HESX1: variants seen among roughly 807,000 people sequenced by gnomAD.
HESX1 encodes the protein homeobox expressed in ES cells 1.
Under a neutral mutation model 22.5 loss-of-function variants are expected in HESX1, and 11 were observed. The ratio of observed to expected loss-of-function variants is 0.49; its 90% CI spans 0.31 to 0.81. The LOEUF is 0.81. Among genes scored for constraint, HESX1 ranks in the 30% least tolerant of loss-of-function variants. The probability of loss-of-function intolerance (pLI) is 0.05; values close to 1 mark genes in which losing one functional copy is unlikely to be tolerated. For missense variants in HESX1, 201 were observed against 212.6 expected (o/e 0.95, Z 0.34); for synonymous variants, 74 against 76.5 (o/e 0.97, Z 0.17).
intron 1 of HESX1, among the ~76,000 whole-genome samples, chr3:57,225,621 G>T (rs1404144959): frequency 6.6e-6 from 1 of 152,108 alleles, no homozygotes; most frequent in Non-Finnish European, 1.5e-5. Context: ...GATTACAGGC[G>T]TGAGCCCCAC....
chr3:57,199,025 C>G, intron 1 of HESX1, 73 bp from the exon 2 acceptor site: 1 of 1,352,934 alleles, frequency 7.4e-7, no homozygotes, highest in South Asian at 1.2e-5. Context: ...GAGGTAGTTT[C>G]AGGAACTCAT....
At chr3:57,208,003 A>G (rs1325751381) in intron 1 of HESX1, among the ~76,000 whole-genome samples, 1 of 152,192 alleles carries the variant, frequency 6.6e-6, no homozygotes, top group East Asian at 1.9e-4. Flanking sequence ...TTTACTAGTC[A>G]ATGTGTATTT....
intron 1 of HESX1, among the ~76,000 whole-genome samples, chr3:57,220,829 G>C (rs1288285986): frequency 6.6e-6 from 1 of 152,136 alleles, no homozygotes; most frequent in Admixed American, 6.5e-5. Context: ...TCCAAAATTA[G>C]GGTAAGAGCC....
At chr3:57,222,129 C>A (rs541438268) in intron 1 of HESX1, among the ~76,000 whole-genome samples, 1,708 of 152,204 alleles carry the variant, frequency 0.011, 30 homozygotes, top group African/African-American at 0.039. Context: ...CCCTGAGAGT[C>A]TTATTTGTAT....
chr3:57,214,726 C>T (rs1160000529), intron 1 of HESX1, among the ~76,000 whole-genome samples: 1 of 152,032 alleles, frequency 6.6e-6, no homozygotes, highest in Non-Finnish European at 1.5e-5. Context: ...TGTGCTGAGG[C>T]AGAGATGTTT....
chr3:57,198,293 A>G lies in HESX1; in HGVS notation c.462T>C (p.Ile154=). The part of the protein sequence containing the change: ...KLNLEEDRIQ[I]WFQNRRAKLK... The stretch of plus-strand genomic sequence containing the variant: ...GTTTTGCACGCCGATTTTGAAACCA[A>G]ATCTAAAGTTAAGGAAAAATAAAAT... The change falls in exon 4 of 4, where the codon ATT becomes ATC. Residue 154 remains isoleucine, a splice_region_variant and synonymous_variant. Transcript: ENST00000295934. 6.2e-7 allele frequency: 1 copy of G among 1,611,196 alleles called. No individual in the cohort carries two copies. The highest frequency in any genetic ancestry group is 8.5e-7 in the Non-Finnish European group (1 of 1,177,598).
upstream of HESX1, among the ~76,000 whole-genome samples, chr3:57,226,946 T>C (rs1407695064): frequency 6.6e-6 from 1 of 152,244 alleles, no homozygotes; most frequent in Non-Finnish European, 1.5e-5. Flanking sequence ...TTCCCAACTT[T>C]GAGCTTCACT....
upstream of HESX1, among the ~76,000 whole-genome samples, chr3:57,203,131 C>T (rs547527655): frequency 2.0e-5 from 3 of 152,260 alleles, no homozygotes; most frequent in South Asian, 2.1e-4. Context: ...TGTTTTTAAA[C>T]CTTACTCTGG....
chr3:57,198,405 C>T lies in HESX1; in HGVS notation c.445G>A (p.Glu149Lys), dbSNP rs104893742. 1.0e-5 allele frequency: 16 copies of T among 1,597,630 alleles called. No individual in the cohort carries two copies. The highest frequency in any genetic ancestry group is 2.2e-5 in the East Asian group (1 of 44,688). Residue 149 changes from glutamate to lysine, a missense_variant, in exon 3 of 4, where the codon GAA becomes AAA. By Grantham distance (56) the Glu-to-Lys change is moderately conservative. Transcript: ENST00000295934. ...TTGAAAATTACCTGGATTCTGTCTT[C>T]CTCTAGATTCAATTTTTGAGCTAAG... Reference protein sequence around the residue: ...EDLAQKLNLEEDRIQIWFQNR... With the variant: ...EDLAQKLNLEKDRIQIWFQNR...
In HESX1 at chr3:57,198,897, G is replaced by A; in HGVS notation, c.213C>T (p.Phe71=). Residue 71 remains phenylalanine, a synonymous_variant, in exon 2 of 4, where the codon TTC becomes TTT. Coordinates refer to ENST00000295934, the MANE Select transcript of HESX1 (RefSeq NM_003865.3). ...GCATTGGGTGATCCACCACGCTAGG[G>A]AATGAAATCCCACTGGGAGGATTTG... ...HVPNPPSGIS[F]PSVVDHPMPE... is the part of the protein sequence containing the mutation. The A allele has an allele frequency of 1.2e-6, 2 of 1,614,082 alleles. No homozygotes were observed. The highest frequency in any genetic ancestry group is 8.5e-7 in the Non-Finnish European group (1 of 1,180,014).
chr3:57,225,326 TTTTG>T (rs1579370779), intron 1 of HESX1, among the ~76,000 whole-genome samples: 2 of 152,204 alleles, frequency 1.3e-5, no homozygotes, highest in African/African-American at 4.8e-5. Context: ...GTGAACCTGT[TTTTG>T]TTTGTTTTAT....
chr3:57,213,903 A>G (rs2107579632), intron 1 of HESX1, among the ~76,000 whole-genome samples: 1 of 152,352 alleles, frequency 6.6e-6, no homozygotes, highest in Admixed American at 6.5e-5. Context: ...CTTGGGCAAC[A>G]GAGTAAGACT....
chr3:57,199,889 C>G lies in HESX1; in HGVS notation c.30G>C (p.Gln10His), dbSNP rs1187500320. The change falls in exon 1 of 4, where the codon CAG becomes CAC. Residue 10 changes from glutamine to histidine, a missense_variant. Coordinates refer to ENST00000295934, the MANE Select transcript of HESX1 (RefSeq NM_003865.3). ...AAGTTGAGGGTTTGTTTTCCCCGAG[C>G]TGAGCGCCTTCCTGAAGGCTGGGAG... MSPSLQEGAQLGENKPSTCS... is the reference protein window; with the variant it reads MSPSLQEGAHLGENKPSTCS... The G allele has an allele frequency of 5.6e-6, 9 of 1,613,964 alleles. No homozygotes were observed. The highest frequency in any genetic ancestry group is 5.9e-6 in the Non-Finnish European group (7 of 1,180,012).
chr3:57,214,416 A>C (rs2060572732), intron 1 of HESX1, among the ~76,000 whole-genome samples: 1 of 152,240 alleles, frequency 6.6e-6, no homozygotes, highest in African/African-American at 2.4e-5. Context: ...TCCCAAATCT[A>C]CTTGAGTGAG....
chr3:57,217,214 C>G (rs2060587351), intron 1 of HESX1, among the ~76,000 whole-genome samples: 1 of 152,144 alleles, frequency 6.6e-6, no homozygotes, highest in Non-Finnish European at 1.5e-5. Flanking sequence ...GGGGGCATCT[C>G]TGCTTCCAGG....
chr3:57,202,162 G>A (rs112792503), upstream of HESX1, among the ~76,000 whole-genome samples: 1,893 of 151,922 alleles, frequency 0.012, 27 homozygotes, highest in African/African-American at 0.036. Flanking sequence ...CTCGTGATCC[G>A]CCCGCTTCGG....
chr3:57,222,607 C>T (rs2060621545), intron 1 of HESX1, among the ~76,000 whole-genome samples: 1 of 152,114 alleles, frequency 6.6e-6, no homozygotes, highest in Non-Finnish European at 1.5e-5. Context: ...CCAGAATTCC[C>T]ATGTGGGGTA....
chr3:57,198,368 TAAC>T lies in HESX1; in HGVS notation c.459+20_459+22del. 1 of 1,555,742 alleles carries T rather than the reference TAAC, an allele frequency of 6.4e-7. No homozygotes were observed. Among genetic ancestry groups the T allele is most frequent in the Non-Finnish European group, 8.9e-7 (1 of 1,127,274 alleles). Reference sequence around the variant, plus strand: ...ATTCTTAACATTTCAACATCATGAATAACAACTAAATTTGAAAATTACCTGGAT... The same window carrying T: ...ATTCTTAACATTTCAACATCATGAATAACTAAATTTGAAAATTACCTGGAT... On this transcript the variant is annotated intron_variant, in intron 3 of 3. Transcript: ENST00000295934.
intron 1 of HESX1, among the ~76,000 whole-genome samples, chr3:57,219,156 C>G (rs551945949): frequency 1.3e-5 from 2 of 152,254 alleles, no homozygotes; most frequent in East Asian, 3.9e-4. Context: ...CATCATTTAG[C>G]TCCGATTTGT....
Sources: gnomAD v4.1 joint callset for allele counts (sites outside exome capture counted in the v4.1 genomes callset) on GRCh38, gnomAD v4.1.1 for gene constraint, MANE v1.5 for transcripts, NCBI Gene and HGNC (gene_info 2026-07-23, HGNC 2026-07-21) for gene names.